Variants in SLC4A10 observed in about 807,000 individuals in gnomAD.
SLC4A10 encodes the protein solute carrier family 4 member 10.
Under a neutral mutation model 137.7 loss-of-function variants are expected in SLC4A10, and 42 were observed. The observed-to-expected ratio is 0.30, with a 90% CI of 0.24 to 0.39. The LOEUF (loss-of-function observed/expected upper bound fraction) is 0.39, where lower values mean the gene tolerates loss of function less well. SLC4A10 is among the 10% of genes least tolerant of loss of function. SLC4A10 has a pLI of 1.00. For synonymous variants in SLC4A10, 474 were observed against 464.1 expected (o/e 1.02, Z -0.27); for missense variants, 925 against 1,355.0 (o/e 0.68, Z 4.98).
At chr2:161,951,075 G>C (rs1199962877) in intron 19 of SLC4A10, among the ~76,000 whole-genome samples, 2 of 151,994 alleles carry the variant, frequency 1.3e-5, no homozygotes, top group Admixed American at 1.3e-4. Context: ...CACCTCCAAG[G>C]CATAAAATAA....
intron 3 of SLC4A10, among the ~76,000 whole-genome samples, chr2:161,806,240 T>C (rs1032355519): frequency 3.3e-5 from 5 of 151,994 alleles, no homozygotes; most frequent in African/African-American, 1.2e-4. Context: ...AGAAAACCAC[T>C]TTTTCTTCCT....
At chr2:161,879,346 A>C in intron 9 of SLC4A10, 58 bp downstream of exon 9, 3 of 1,474,028 alleles carry the variant, frequency 2.0e-6, no homozygotes, top group Non-Finnish European at 2.8e-6. Flanking sequence ...CATGGAAAGA[A>C]AATGAGGATT....
intron 2 of SLC4A10, among the ~76,000 whole-genome samples, chr2:161,791,889 T>C (rs1420995523): frequency 6.6e-6 from 1 of 152,186 alleles, no homozygotes; most frequent in Non-Finnish European, 1.5e-5. Flanking sequence ...TTGATCATGG[T>C]TTATTTGACA....
chr2:161,761,770 A>G (rs1166296751), intron 1 of SLC4A10, among the ~76,000 whole-genome samples: 1 of 152,022 alleles, frequency 6.6e-6, no homozygotes, highest in African/African-American at 2.4e-5. Flanking sequence ...TTAATCCTGA[A>G]CCAAAAGGAG....
At chr2:161,781,302 G>A (rs1206984446) in intron 2 of SLC4A10, among the ~76,000 whole-genome samples, 1 of 152,090 alleles carries the variant, frequency 6.6e-6, no homozygotes, top group East Asian at 1.9e-4. Flanking sequence ...TCAGTGGTGT[G>A]CTTTACTTGG....
In SLC4A10 at chr2:161,961,114, T is replaced by G. The variant is rs191856017; in HGVS notation, c.2862+2559T>G. On this transcript the variant is annotated intron_variant, in intron 21 of 26. Transcript: ENST00000446997. ...CTGAAAAGCAAAAATAAATTGCAGC[T>G]TTTTCTATAACACAGCTAGACTCAC... 2.0e-5 allele frequency among the ~76,000 whole-genome samples: 3 copies of G among 152,352 alleles called. No homozygotes were observed. In the East Asian group the frequency reaches 5.8e-4, roughly 29 times the overall value.
intron 1 of SLC4A10, among the ~76,000 whole-genome samples, chr2:161,638,717 G>A (rs895270502): frequency 1.3e-5 from 2 of 151,972 alleles, no homozygotes; most frequent in Non-Finnish European, 2.9e-5. Flanking sequence ...TGAGTAGTAT[G>A]AGTGTTTTAA....
intron 25 of SLC4A10, 50 bp from the exon 26 acceptor site, chr2:161,977,672 C>A (rs898835513): frequency 2.0e-6 from 3 of 1,528,648 alleles, no homozygotes; most frequent in Non-Finnish European, 2.7e-6. Flanking sequence ...TTTTCGTAAC[C>A]TTAAATTAAC....
chr2:161,761,178 C>T (rs568192372), intron 1 of SLC4A10, among the ~76,000 whole-genome samples: 1 of 152,082 alleles, frequency 6.6e-6, no homozygotes, highest in Non-Finnish European at 1.5e-5. Flanking sequence ...TGTGGCTGCA[C>T]ACACATACAA....
At chr2:161,866,653 TG>T (rs1559418611) in intron 6 of SLC4A10, among the ~76,000 whole-genome samples, 1 of 151,904 alleles carries the variant, frequency 6.6e-6, no homozygotes, top group African/African-American at 2.4e-5. Context: ...AGGGTATGGG[TG>T]GTAAAGCACT....
intron 3 of SLC4A10, among the ~76,000 whole-genome samples, chr2:161,821,859 A>G (rs1280819031): frequency 6.6e-6 from 1 of 152,170 alleles, no homozygotes; most frequent in East Asian, 1.9e-4. Context: ...ATAACCTAAT[A>G]CCTATAAAAT....
At chr2:161,747,353 A>G (rs183154028) in intron 1 of SLC4A10, among the ~76,000 whole-genome samples, 2 of 152,200 alleles carry the variant, frequency 1.3e-5, no homozygotes, top group East Asian at 3.9e-4. Context: ...CTGTGTTCCA[A>G]TGCAAAGTCC....
intron 2 of SLC4A10, among the ~76,000 whole-genome samples, chr2:161,800,775 GAT>G (rs2055294833): frequency 6.6e-6 from 1 of 152,038 alleles, no homozygotes; most frequent in African/African-American, 2.4e-5. Context: ...TCGACCATGA[GAT>G]TTAAATCTGA....
At chr2:161,717,220 G>T (rs2045020447) in intron 1 of SLC4A10, among the ~76,000 whole-genome samples, 1 of 151,958 alleles carries the variant, frequency 6.6e-6, no homozygotes, top group South Asian at 2.1e-4. Flanking sequence ...GGTTTTCTAG[G>T]TATGGGATCA....
chr2:161,961,318 G>A (rs148387281), intron 21 of SLC4A10, among the ~76,000 whole-genome samples: 13 of 152,244 alleles, frequency 8.5e-5, no homozygotes, highest in East Asian at 1.9e-4. Flanking sequence ...TGCAGGTCAC[G>A]GAACACCCAA....
chr2:161,834,969 T>C (rs2058671028), intron 3 of SLC4A10, among the ~76,000 whole-genome samples: 2 of 152,186 alleles, frequency 1.3e-5, no homozygotes, highest in African/African-American at 2.4e-5. Context: ...CGGTCCATTT[T>C]TGGGGTCACA....
At chr2:161,724,465 G>A (rs1424551044) in intron 1 of SLC4A10, among the ~76,000 whole-genome samples, 1 of 152,150 alleles carries the variant, frequency 6.6e-6, no homozygotes, top group African/African-American at 2.4e-5. Context: ...TGCTGAACAG[G>A]TACTTTGTGA....
At chr2:161,897,087 T>C (rs779902654) in intron 11 of SLC4A10, among the ~76,000 whole-genome samples, 8 of 152,154 alleles carry the variant, frequency 5.3e-5, no homozygotes, top group African/African-American at 1.2e-4. Flanking sequence ...AAAATTATAA[T>C]TCTTATATTT....
intron 1 of SLC4A10, among the ~76,000 whole-genome samples, chr2:161,717,857 A>G (rs2045114643): frequency 6.6e-6 from 1 of 152,200 alleles, no homozygotes; most frequent in Non-Finnish European, 1.5e-5. Context: ...GAATAGTTTC[A>G]GAAGAAATGG....
Sources: gnomAD v4.1 joint callset for allele counts (sites outside exome capture counted in the v4.1 genomes callset) on GRCh38, gnomAD v4.1.1 for gene constraint, MANE v1.5 for transcripts, NCBI Gene and HGNC (gene_info 2026-07-23, HGNC 2026-07-21) for gene names.